PRKCA: variants seen among roughly 807,000 people sequenced by gnomAD.
PRKCA encodes the protein protein kinase C alpha, also known as protein kinase C alpha type.
A neutral mutation model predicts 87.0 loss-of-function variants in PRKCA; 27 were observed. The ratio of observed to expected loss-of-function variants is 0.31; its 90% CI spans 0.23 to 0.43. The LOEUF is 0.43. Among genes scored for constraint, PRKCA ranks in the 20% least tolerant of loss-of-function variants. The pLI is 1.00. For missense variants in PRKCA, 518 were observed against 852.3 expected, an observed-to-expected ratio of 0.61 and a Z score of 4.88; for synonymous variants, 329 against 311.1, an observed-to-expected ratio of 1.06 and a Z score of -0.61.
At chr17:66,522,645 C>T (rs937117959) in intron 3 of PRKCA, among the ~76,000 whole-genome samples, 5 of 151,960 alleles carry the variant, frequency 3.3e-5, no homozygotes, top group African/African-American at 7.3e-5. Flanking sequence ...ACCAGCTGCC[C>T]AAGGCAAACT....
intron 2 of PRKCA, among the ~76,000 whole-genome samples, chr17:66,394,746 C>A (rs1014700950): frequency 1.8e-4 from 28 of 152,128 alleles, no homozygotes; most frequent in African/African-American, 5.3e-4. Flanking sequence ...TTCCCCCATG[C>A]TGTTCTTGTG....
At chr17:66,433,250 C>T (rs529323642) in intron 2 of PRKCA, among the ~76,000 whole-genome samples, 3 of 152,264 alleles carry the variant, frequency 2.0e-5, no homozygotes, top group Non-Finnish European at 4.4e-5. Flanking sequence ...AACCCCAGGG[C>T]CCAGAGCTTC....
chr17:66,800,077 T>C (rs56245354), intron 16 of PRKCA, among the ~76,000 whole-genome samples: 2,693 of 152,284 alleles, frequency 0.018, 35 homozygotes, highest in Non-Finnish European at 0.028. Flanking sequence ...TTCTGTCCCG[T>C]GGTTGATGTG....
rs1976079077 is a variant in PRKCA, at chr17:66,808,285, G to A, written c.*4248G>A. ...GTTCCCACCTGGGTTCCACTTAGCA[G>A]GAGACATTTCGGAGGGTTTTTTTTG... On this transcript the variant is annotated 3_prime_UTR_variant, in exon 17 of 17. Transcript: ENST00000413366. The A allele has an allele frequency of 6.7e-6, 1 of 150,250 alleles. No homozygotes were observed. The highest frequency in any genetic ancestry group is 1.5e-5 in the Non-Finnish European group (1 of 67,842). 9.3% of individuals were successfully genotyped at this position (150,250 alleles called of 1,614,324 possible).
rs1784043281 is a variant in PRKCA, at chr17:66,515,595, T to C, written c.288+19312T>C. Among the ~76,000 whole-genome samples the C allele has an allele frequency of 3.3e-5, 5 of 152,286 alleles. No homozygotes were observed. The South Asian group carries it at 1.0e-3, about 32-fold the overall frequency. Reference sequence around the variant, plus strand: ...CTCACTCCTTTTGCCCAGGCTTGAGTGCAGTGGGGTGGTCACAGCTCACTG... The same window carrying C: ...CTCACTCCTTTTGCCCAGGCTTGAGCGCAGTGGGGTGGTCACAGCTCACTG... On this transcript the variant is annotated intron_variant, in intron 3 of 16. Transcript: ENST00000413366.
chr17:66,427,124 C>T (rs565321745), intron 2 of PRKCA, among the ~76,000 whole-genome samples: 53 of 152,188 alleles, frequency 3.5e-4, no homozygotes, highest in African/African-American at 1.0e-3. Flanking sequence ...CTCCACCTCC[C>T]GGGCTCAAGT....
intron 3 of PRKCA, among the ~76,000 whole-genome samples, chr17:66,584,734 T>C (rs1417369588): frequency 6.6e-6 from 1 of 152,154 alleles, no homozygotes; most frequent in East Asian, 1.9e-4. Flanking sequence ...CACGGCCTTC[T>C]TCCCTTTGGC....
chr17:66,740,880 C>T (rs903749419), intron 11 of PRKCA, among the ~76,000 whole-genome samples: 5 of 152,194 alleles, frequency 3.3e-5, no homozygotes, highest in Non-Finnish European at 5.9e-5. Context: ...CTCCCCCTTT[C>T]TGTACTCTTC....
rs759315519 is a variant in PRKCA at position 66,322,638 on chromosome 17, TG to T, written c.205+16512del. Reference sequence around the variant, plus strand: ...TCACCGTGCCCAGCTAATTTTTAATTGTTTTTTTTTTTTTTTGTAGAGATGG... The same window carrying T: ...TCACCGTGCCCAGCTAATTTTTAATTTTTTTTTTTTTTTTTGTAGAGATGG... On this transcript the variant is annotated intron_variant, in intron 2 of 16. Coordinates refer to ENST00000413366, the MANE Select transcript of PRKCA (RefSeq NM_002737.3). Among the ~76,000 whole-genome samples, 350 of 119,604 alleles carry T rather than the reference TG, an allele frequency of 2.9e-3. 10 individuals are homozygous for T. In the East Asian group the frequency reaches 0.054, roughly 18 times the overall value. The allele number at this position is 119,604 out of a possible 152,430, so 78.5% of individuals were successfully genotyped here. A position where few individuals can be genotyped will look rare whatever the true frequency, so the allele number is the denominator to read the frequency against.
intron 3 of PRKCA, among the ~76,000 whole-genome samples, chr17:66,545,768 G>A (rs1968129638): frequency 6.6e-6 from 1 of 152,204 alleles, no homozygotes; most frequent in African/African-American, 2.4e-5. Context: ...CATAGTCAGT[G>A]CAGAATGTTT....
intron 5 of PRKCA, among the ~76,000 whole-genome samples, chr17:66,646,611 T>C (rs1971463593): frequency 6.6e-6 from 1 of 152,188 alleles, no homozygotes; most frequent in Admixed American, 6.5e-5. Context: ...TAGGTTTAGA[T>C]AACAGAAAAC....
intron 13 of PRKCA, among the ~76,000 whole-genome samples, chr17:66,744,603 C>T (rs927418170): frequency 6.6e-6 from 1 of 152,204 alleles, no homozygotes; most frequent in Non-Finnish European, 1.5e-5. Flanking sequence ...TTTTCCATAT[C>T]ATTAAGGTTT....
chr17:66,720,645 G>T (rs1375855329), intron 8 of PRKCA, among the ~76,000 whole-genome samples: 1 of 152,196 alleles, frequency 6.6e-6, no homozygotes, highest in East Asian at 1.9e-4. Context: ...TGTTAACCAT[G>T]CCCTGTTACA....
At chr17:66,798,471 TGGTGGTGGTGGTGGTGAC>T (rs1975743875) in intron 16 of PRKCA, among the ~76,000 whole-genome samples, 1 of 38,606 alleles carries the variant, frequency 2.6e-5, no homozygotes, top group Non-Finnish European at 4.4e-5. Flanking sequence ...GTGGTGGTGG[TGGTGGTGGTGGTGGTGAC>T]GGTGGTGGTG....
At chr17:66,431,607 G>A (rs888077667) in intron 2 of PRKCA, among the ~76,000 whole-genome samples, 5 of 152,160 alleles carry the variant, frequency 3.3e-5, no homozygotes, top group African/African-American at 7.2e-5. Context: ...GCTTCACTCT[G>A]GGTAGCTGTC....
chr17:66,768,325 G>T (rs1436744914), intron 13 of PRKCA, among the ~76,000 whole-genome samples: 2 of 150,814 alleles, frequency 1.3e-5, no homozygotes, highest in African/African-American at 4.9e-5. Context: ...GGACTCAAGT[G>T]ATCCTCTTGC....
At chr17:66,669,180 G>A (rs140880904) in intron 5 of PRKCA, among the ~76,000 whole-genome samples, 2 of 152,066 alleles carry the variant, frequency 1.3e-5, no homozygotes, top group African/African-American at 4.8e-5. Flanking sequence ...GGAAAAGCAA[G>A]CAGAATGAGA....
At chr17:66,597,561 GC>G (rs1970006678) in intron 3 of PRKCA, among the ~76,000 whole-genome samples, 1 of 32,724 alleles carries the variant, frequency 3.1e-5, no homozygotes, top group Non-Finnish European at 5.0e-5. Flanking sequence ...AGTTTCTTTT[GC>G]TGTGCAGAAG....
intron 5 of PRKCA, among the ~76,000 whole-genome samples, chr17:66,659,918 C>T (rs999448981): frequency 6.6e-6 from 1 of 152,140 alleles, no homozygotes; most frequent in Non-Finnish European, 1.5e-5. Flanking sequence ...TAGCTTACAG[C>T]TATCCATTAT....
Sources: allele counts gnomAD v4.1 joint callset (sites outside exome capture counted in the v4.1 genomes callset), GRCh38; gene constraint gnomAD v4.1.1; transcripts MANE v1.5; gene names NCBI Gene and HGNC (gene_info 2026-07-23, HGNC 2026-07-21).